CAST: variants seen among roughly 807,000 people sequenced by gnomAD.
The protein encoded by CAST is MIR583 host.
A neutral mutation model predicts 119.6 loss-of-function variants in CAST; 76 were observed. The observed-to-expected ratio is 0.64, with a 90% CI of 0.53 to 0.77. The LOEUF is 0.77. Ranked by LOEUF, CAST falls within the 30% of genes least tolerant of loss-of-function variation. The probability of loss-of-function intolerance (pLI) is 0.00; values close to 1 mark genes in which losing one functional copy is unlikely to be tolerated. For missense variants in CAST, 953 were observed against 946.5 expected, an observed-to-expected ratio of 1.01 and a Z score of -0.09; for synonymous variants, 319 against 331.6, an observed-to-expected ratio of 0.96 and a Z score of 0.41.
upstream of CAST, among the ~76,000 whole-genome samples, chr5:96,525,999 T>G (rs1479518857): frequency 1.3e-5 from 2 of 152,114 alleles, no homozygotes; most frequent in African/African-American, 2.4e-5. Flanking sequence ...ATGAAAACTG[T>G]TCCGTCTGGT....
At chr5:96,429,350 C>A in the CAST span, 2,251 of 1,207,472 alleles carry the variant, frequency 1.9e-3, 39 homozygotes, top group African/African-American at 0.029. Context: ...TAAATATCCA[C>A]GTTCCCAAAC....
At chr5:96,582,465 A>G (rs1580834172) in intron 1 of CAST, among the ~76,000 whole-genome samples, 1 of 152,230 alleles carries the variant, frequency 6.6e-6, no homozygotes, top group East Asian at 1.9e-4. Context: ...ATGACTGGGC[A>G]GGGACACAGC....
intron 3 of CAST, among the ~76,000 whole-genome samples, chr5:96,706,686 C>T (rs1412682572): frequency 6.6e-6 from 1 of 152,150 alleles, no homozygotes; most frequent in Non-Finnish European, 1.5e-5. Flanking sequence ...CATTGGCTTG[C>T]CTGATGCATT....
chr5:96,072,999 T>C, the CAST span, among the ~76,000 whole-genome samples: 2 of 152,342 alleles, frequency 1.3e-5, no homozygotes, highest in African/African-American at 4.8e-5. Context: ...TCATTGAGAT[T>C]GTTTATTCGA....
At chr5:96,357,368 GT>G in the CAST span, among the ~76,000 whole-genome samples, 3 of 152,112 alleles carry the variant, frequency 2.0e-5, no homozygotes, top group Non-Finnish European at 4.4e-5. Flanking sequence ...CCAATACTAT[GT>G]TTAATAGAAG....
At chr5:96,293,602 A>G in the CAST span, among the ~76,000 whole-genome samples, 1 of 151,278 alleles carries the variant, frequency 6.6e-6, no homozygotes, top group Non-Finnish European at 1.5e-5. Flanking sequence ...TTGTGAGTTC[A>G]TTAATCTTTA....
chr5:96,148,750 T>C, the CAST span, among the ~76,000 whole-genome samples: 3 of 152,250 alleles, frequency 2.0e-5, no homozygotes, highest in South Asian at 6.2e-4. Context: ...TTAAATCAAG[T>C]TATCTGATCC....
At chr5:96,215,915 C>A in the CAST span, among the ~76,000 whole-genome samples, 1 of 152,170 alleles carries the variant, frequency 6.6e-6, no homozygotes, top group African/African-American at 2.4e-5. Context: ...ACAAGTGATT[C>A]TCATGTCTCA....
At chr5:96,320,122 T>C in the CAST span, among the ~76,000 whole-genome samples, 10 of 151,594 alleles carry the variant, frequency 6.6e-5, no homozygotes, top group African/African-American at 2.2e-4. Flanking sequence ...TGGTGAAACA[T>C]GAGGGCTCTG....
the CAST span, chr5:96,412,920 C>G: frequency 3.4e-5 from 17 of 497,598 alleles, no homozygotes; most frequent in African/African-American, 3.3e-4. Flanking sequence ...AAATGACAGA[C>G]CAGCTTTCAG....
At chr5:96,335,712 C>T in the CAST span, among the ~76,000 whole-genome samples, 29 of 152,306 alleles carry the variant, frequency 1.9e-4, no homozygotes, top group Admixed American at 3.3e-4. Flanking sequence ...GGGCACTCTT[C>T]AGACATTTCG....
chr5:96,121,559 C>T, the CAST span, among the ~76,000 whole-genome samples: 2 of 151,608 alleles, frequency 1.3e-5, no homozygotes, highest in African/African-American at 2.4e-5. Context: ...TGAGTTTACA[C>T]AGTCAGCGTT....
chr5:95,971,293 A>G, the CAST span, among the ~76,000 whole-genome samples: 1 of 152,302 alleles, frequency 6.6e-6, no homozygotes, highest in South Asian at 2.1e-4. Context: ...TTGTAAGCAT[A>G]TAGGCTTGCA....
At chr5:96,421,752 T>C in the CAST span, 1 of 714,474 alleles carries the variant, frequency 1.4e-6, no homozygotes, top group Non-Finnish European at 2.6e-6. Flanking sequence ...CAAAATATTG[T>C]GGTATGGATG....
chr5:96,423,534 C>T, the CAST span: 9 of 1,310,118 alleles, frequency 6.9e-6, no homozygotes, highest in Admixed American at 5.1e-5. Context: ...CAGTTCCAAC[C>T]TGGAGACCCA....
chr5:96,106,573 CTGT>C, the CAST span, among the ~76,000 whole-genome samples: 1 of 148,700 alleles, frequency 6.7e-6, no homozygotes, highest in Admixed American at 6.7e-5. Context: ...TTTGATTGCA[CTGT>C]GGTCTGAGAG....
chr5:96,337,159 C>T, the CAST span, among the ~76,000 whole-genome samples: 1 of 152,086 alleles, frequency 6.6e-6, no homozygotes, highest in African/African-American at 2.4e-5. Flanking sequence ...GTAAAACTTA[C>T]TCTGATTCCA....
upstream of CAST, among the ~76,000 whole-genome samples, chr5:96,521,904 G>A (rs1050846376): frequency 6.6e-6 from 1 of 152,130 alleles, no homozygotes; most frequent in African/African-American, 2.4e-5. Flanking sequence ...AGATCATGAG[G>A]TCAGATCGAG....
chr5:96,706,169 G>A (rs1196401003), intron 3 of CAST, among the ~76,000 whole-genome samples: 1 of 152,152 alleles, frequency 6.6e-6, no homozygotes, highest in African/African-American at 2.4e-5. Context: ...TCCTGGTTAG[G>A]TAGAAATGAT....
Sources: allele counts gnomAD v4.1 joint callset (sites outside exome capture counted in the v4.1 genomes callset), GRCh38; gene constraint gnomAD v4.1.1; transcripts MANE v1.5; gene names NCBI Gene and HGNC (gene_info 2026-07-23, HGNC 2026-07-21).